The following TOX3 variants were observed in gnomAD, a reference collection of about 807,000 sequenced individuals.
TOX3 encodes TOX high mobility group box family member 3, also known as CAG trinucleotide repeat-containing gene F9 protein.
Under a neutral mutation model 64.3 loss-of-function variants are expected in TOX3, and 22 were observed. The observed-to-expected ratio is 0.34, with a 90% CI of 0.24 to 0.49. The LOEUF (loss-of-function observed/expected upper bound fraction) is 0.49, where lower values mean the gene tolerates loss of function less well. TOX3 is among the 20% of genes least tolerant of loss of function. TOX3 has a pLI of 0.99. For missense variants in TOX3, 661 were observed against 714.4 expected, an observed-to-expected ratio of 0.93 and a Z score of 0.85; for synonymous variants, 291 against 273.6, an observed-to-expected ratio of 1.06 and a Z score of -0.63.
At chr16:52,442,377 C>A (rs1456379257) in intron 6 of TOX3, among the ~76,000 whole-genome samples, 1 of 152,148 alleles carries the variant, frequency 6.6e-6, no homozygotes, top group Non-Finnish European at 1.5e-5. Flanking sequence ...TGGATGAGTT[C>A]TCCTCTCTTG....
chr16:52,520,817 A>T (rs995528421), intron 1 of TOX3, among the ~76,000 whole-genome samples: 2 of 152,096 alleles, frequency 1.3e-5, no homozygotes, highest in Non-Finnish European at 2.9e-5. Context: ...CATTTTTTTT[A>T]ATTTGTTTTT....
intron 1 of TOX3, chr16:52,475,670 G>A (rs1037353635): frequency 6.6e-6 from 1 of 152,162 alleles, no homozygotes; most frequent in African/African-American, 2.4e-5. Flanking sequence ...ACAGCATAAA[G>A]TCAATGGGGG....
At chr16:52,475,434 A>ATGG (rs1961180074) in intron 1 of TOX3, 2 of 152,230 alleles carry the variant, frequency 1.3e-5, no homozygotes, top group Admixed American at 1.3e-4. Flanking sequence ...TGGGAAAAAT[A>ATGG]TGGTAACATT....
In TOX3 at chr16:52,546,967, A is replaced by T. The variant is rs1358864042; in HGVS notation, c.-244T>A. ...CCGGGGGGACGCGCCCCGCCGGGGC[A>T]CCGAGGCAGCGCTGCGCGCGGGCCG... On this transcript the variant is annotated 5_prime_UTR_variant, in exon 1 of 7. Transcript: ENST00000219746. 1.0e-5 allele frequency: 10 copies of T among 976,078 alleles called. No homozygotes were observed. The South Asian group carries it at 4.6e-4, about 45-fold the overall frequency. 60.5% of individuals were successfully genotyped at this position (976,078 alleles called of 1,614,324 possible).
chr16:52,439,124 T>C lies in TOX3; in HGVS notation c.*101A>G. ...GAGGACCGTTTGATCTGTTACACAT[T>C]TCTGCATAACCAACACCAACTTACA... On this transcript the variant is annotated 3_prime_UTR_variant, in exon 7 of 7. Coordinates refer to ENST00000219746, the MANE Select transcript of TOX3 (RefSeq NM_001080430.4). 1 of 1,533,306 alleles carries C rather than the reference T, an allele frequency of 6.5e-7. No individual in the cohort carries two copies. Among genetic ancestry groups the C allele is most frequent in the Non-Finnish European group, 8.9e-7 (1 of 1,125,746 alleles). 95.0% of individuals were successfully genotyped at this position (1,533,306 alleles called of 1,614,324 possible). A position where few individuals can be genotyped will look rare whatever the true frequency, so the allele number is the denominator to read the frequency against.
chr16:52,504,686 A>G (rs1421720843), intron 1 of TOX3, among the ~76,000 whole-genome samples: 1 of 152,090 alleles, frequency 6.6e-6, no homozygotes, highest in African/African-American at 2.4e-5. Flanking sequence ...GGCTTATGGG[A>G]TGGACAAGTA....
At chr16:52,528,267 T>A (rs748918034) in intron 1 of TOX3, among the ~76,000 whole-genome samples, 1 of 152,208 alleles carries the variant, frequency 6.6e-6, no homozygotes, top group African/African-American at 2.4e-5. Flanking sequence ...AGAGTTATAG[T>A]GCATATTTAC....
chr16:52,472,572 T>C (rs1283424231), intron 1 of TOX3, among the ~76,000 whole-genome samples: 1 of 152,170 alleles, frequency 6.6e-6, no homozygotes. Context: ...ACTTTCTAGA[T>C]TATAACCCTC....
chr16:52,448,581 T>C (rs973402200), intron 4 of TOX3, among the ~76,000 whole-genome samples: 2 of 152,188 alleles, frequency 1.3e-5, no homozygotes, highest in Non-Finnish European at 2.9e-5. Context: ...GCTAACATGA[T>C]GTTATAGAAT....
chr16:52,488,383 G>A (rs1355282030), intron 1 of TOX3, among the ~76,000 whole-genome samples: 5 of 152,130 alleles, frequency 3.3e-5, no homozygotes, highest in Non-Finnish European at 5.9e-5. Context: ...GACACAGCTT[G>A]TGTTGATAAT....
chr16:52,486,071 G>T (rs146449517), intron 1 of TOX3, among the ~76,000 whole-genome samples: 32 of 152,306 alleles, frequency 2.1e-4, no homozygotes, highest in African/African-American at 7.0e-4. Context: ...GAAAAGTCTG[G>T]AATACAGTGA....
intron 1 of TOX3, among the ~76,000 whole-genome samples, chr16:52,543,623 T>C (rs112121596): frequency 1.6e-3 from 242 of 152,332 alleles, no homozygotes; most frequent in African/African-American, 5.5e-3. Context: ...GTCGACTTTC[T>C]ACTTGAAATT....
chr16:52,473,565 G>T (rs1291309981), intron 1 of TOX3, among the ~76,000 whole-genome samples: 1 of 152,124 alleles, frequency 6.6e-6, no homozygotes, highest in East Asian at 1.9e-4. Context: ...GCACGTGAAG[G>T]CTCGGTTAAC....
At chr16:52,481,748 C>T (rs140075058) in intron 1 of TOX3, among the ~76,000 whole-genome samples, 1 of 152,310 alleles carries the variant, frequency 6.6e-6, no homozygotes. Flanking sequence ...GCTCACACTG[C>T]AAGAATATCT....
At chr16:52,455,840 TA>T (rs1289853492) in intron 3 of TOX3, among the ~76,000 whole-genome samples, 6 of 151,868 alleles carry the variant, frequency 4.0e-5, no homozygotes, top group Non-Finnish European at 5.9e-5. Context: ...GTAGGCAAGG[TA>T]AAGGGTGAAA....
At chr16:52,455,714 G>T (rs891639293) in intron 3 of TOX3, among the ~76,000 whole-genome samples, 2 of 152,188 alleles carry the variant, frequency 1.3e-5, no homozygotes, top group Non-Finnish European at 2.9e-5. Flanking sequence ...AGCCAACTGT[G>T]AAGTGAAGGG....
chr16:52,487,303 T>TA (rs1489999354), intron 1 of TOX3, among the ~76,000 whole-genome samples: 1 of 96,926 alleles, frequency 1.0e-5, no homozygotes, highest in Non-Finnish European at 1.9e-5. Flanking sequence ...CTGAGTCAGA[T>TA]GGAAAAAAAA....
At chr16:52,526,293 G>A (rs964544169) in intron 1 of TOX3, among the ~76,000 whole-genome samples, 3 of 152,170 alleles carry the variant, frequency 2.0e-5, no homozygotes, top group East Asian at 3.9e-4. Context: ...AGGAGATTAC[G>A]AAGCCAGGAG....
intron 1 of TOX3, chr16:52,519,612 G>A (rs1443068596): frequency 1.4e-6 from 2 of 1,408,362 alleles, no homozygotes; most frequent in Non-Finnish European, 1.9e-6. Context: ...AACATGGTTG[G>A]GCAATCAGCT....
Sources: gnomAD v4.1 joint callset for allele counts (sites outside exome capture counted in the v4.1 genomes callset) on GRCh38, gnomAD v4.1.1 for gene constraint, MANE v1.5 for transcripts, NCBI Gene and HGNC (gene_info 2026-07-23, HGNC 2026-07-21) for gene names.